Variants in GPR158 observed in about 807,000 individuals in gnomAD.
GPR158 encodes the protein metabotropic glycine receptor.
In GPR158, 30 loss-of-function variants were observed where a neutral mutation model predicts 78.2. The ratio of observed to expected loss-of-function variants is 0.38; its 90% CI spans 0.29 to 0.52. The LOEUF (loss-of-function observed/expected upper bound fraction) is 0.52. GPR158 is among the 20% of genes least tolerant of loss of function. The pLI, the probability that GPR158 is intolerant of heterozygous loss-of-function variation, is 0.83. For missense variants in GPR158, 1,463 were observed against 1,523.5 expected, an observed-to-expected ratio of 0.96 and a Z score of 0.66; for synonymous variants, 581 against 591.1, an observed-to-expected ratio of 0.98 and a Z score of 0.25.
intron 2 of GPR158, among the ~76,000 whole-genome samples, chr10:25,341,899 C>T (rs971406503): frequency 6.6e-6 from 1 of 151,820 alleles, no homozygotes; most frequent in African/African-American, 2.4e-5. Context: ...GAAGGACTCA[C>T]TTTCTGGTCC....
chr10:25,452,225 T>C (rs1365025072), intron 4 of GPR158, among the ~76,000 whole-genome samples: 1 of 151,418 alleles, frequency 6.6e-6, no homozygotes, highest in Non-Finnish European at 1.5e-5. Context: ...TATATATATA[T>C]GGTAGCAATG....
At chr10:25,258,111 T>C (rs1315541861) in intron 2 of GPR158, among the ~76,000 whole-genome samples, 1 of 152,082 alleles carries the variant, frequency 6.6e-6, no homozygotes, top group Non-Finnish European at 1.5e-5. Context: ...ATAACTTCAC[T>C]TTGTGCCCAG....
intron 3 of GPR158, among the ~76,000 whole-genome samples, chr10:25,405,874 G>C (rs1479675016): frequency 1.3e-5 from 2 of 152,016 alleles, no homozygotes; most frequent in African/African-American, 4.8e-5. Flanking sequence ...ATCATGATTA[G>C]AGTTATCTTA....
intron 2 of GPR158, among the ~76,000 whole-genome samples, chr10:25,331,140 A>T (rs564127707): frequency 6.6e-6 from 1 of 152,034 alleles, no homozygotes; most frequent in African/African-American, 2.4e-5. Context: ...GAGTCTCACT[A>T]TGTTGCCCAG....
intron 1 of GPR158, among the ~76,000 whole-genome samples, chr10:25,195,689 C>A (rs1297161430): frequency 6.6e-6 from 1 of 152,092 alleles, no homozygotes; most frequent in African/African-American, 2.4e-5. Flanking sequence ...TGGATGCAAG[C>A]CTTCTTATTT....
chr10:25,350,011 A>G (rs769311037), intron 2 of GPR158, among the ~76,000 whole-genome samples: 1 of 152,016 alleles, frequency 6.6e-6, no homozygotes, highest in Non-Finnish European at 1.5e-5. Flanking sequence ...TTCTTCTTGT[A>G]AAGATGACCT....
chr10:25,373,553 A>G (rs1298851669), intron 2 of GPR158, among the ~76,000 whole-genome samples: 2 of 151,772 alleles, frequency 1.3e-5, no homozygotes, highest in African/African-American at 2.4e-5. Context: ...GTAGTATATG[A>G]ATTTAGGGCG....
chr10:25,381,998 G>A (rs1223190276), intron 2 of GPR158, among the ~76,000 whole-genome samples: 4 of 152,122 alleles, frequency 2.6e-5, no homozygotes, highest in Admixed American at 6.5e-5. Flanking sequence ...AACAGGGTTC[G>A]GTAAGCAAGA....
At chr10:25,262,075 C>T (rs978099029) in intron 2 of GPR158, among the ~76,000 whole-genome samples, 1 of 152,020 alleles carries the variant, frequency 6.6e-6, no homozygotes, top group Non-Finnish European at 1.5e-5. Flanking sequence ...GGTTTGGGAC[C>T]AAGTAGAATA....
At chr10:25,316,464 T>A (rs937403897) in intron 2 of GPR158, among the ~76,000 whole-genome samples, 2 of 152,230 alleles carry the variant, frequency 1.3e-5, no homozygotes, top group Admixed American at 1.3e-4. Flanking sequence ...GATAGTGTTT[T>A]TGTTTGTTTG....
intron 1 of GPR158, among the ~76,000 whole-genome samples, chr10:25,208,614 T>C (rs1045652624): frequency 1.2e-4 from 18 of 146,454 alleles, no homozygotes; most frequent in Non-Finnish European, 2.4e-4. Flanking sequence ...GTATTAGAAT[T>C]GAGAAGTAAA....
intron 7 of GPR158, among the ~76,000 whole-genome samples, chr10:25,573,218 A>G (rs370448639): frequency 5.9e-5 from 9 of 152,178 alleles, no homozygotes; most frequent in Admixed American, 4.6e-4. Context: ...AATATTGGCT[A>G]TTCTCTTGAT....
At chr10:25,505,990 A>G (rs1220794702) in intron 5 of GPR158, among the ~76,000 whole-genome samples, 3 of 152,028 alleles carry the variant, frequency 2.0e-5, no homozygotes, top group Non-Finnish European at 4.4e-5. Context: ...CTCCATAGCA[A>G]ATGCAGGTCT....
At chr10:25,539,891 C>A (rs530275366) in intron 5 of GPR158, among the ~76,000 whole-genome samples, 1 of 152,202 alleles carries the variant, frequency 6.6e-6, no homozygotes, top group East Asian at 1.9e-4. Flanking sequence ...GCATTTTTAT[C>A]ACTAAATAAG....
At chr10:25,250,920 G>T in intron 2 of GPR158, among the ~76,000 whole-genome samples, 1 of 151,464 alleles carries the variant, frequency 6.6e-6, no homozygotes, top group Non-Finnish European at 1.5e-5. Context: ...GGGTGTTAAA[G>T]TCTCCCATTA....
chr10:25,208,578 G>GTGTGTC (rs1195785282), intron 1 of GPR158, among the ~76,000 whole-genome samples: 1 of 151,320 alleles, frequency 6.6e-6, no homozygotes, highest in African/African-American at 2.4e-5. Flanking sequence ...GTGTGTGTGT[G>GTGTGTC]TGTGTGTGTG....
At chr10:25,491,938 G>C (rs1352317348) in intron 5 of GPR158, among the ~76,000 whole-genome samples, 1 of 152,100 alleles carries the variant, frequency 6.6e-6, no homozygotes, top group Admixed American at 6.6e-5. Flanking sequence ...TGGTCTGTTT[G>C]TGTTGCCATA....
chr10:25,259,870 C>CTT (rs542097655), intron 2 of GPR158, among the ~76,000 whole-genome samples: 2 of 151,196 alleles, frequency 1.3e-5, no homozygotes, highest in African/African-American at 4.9e-5. Flanking sequence ...TTAAAAATTG[C>CTT]TTTTTTTTGA....
Position 25,522,876 on chromosome 10 carries a change from A to C in GPR158, c.1405-28100A>C, listed in dbSNP as rs146283364. On this transcript the variant is annotated intron_variant, in intron 5 of 10. Transcript: ENST00000376351. ...CCATAGTGATTGTAACAAAATTTAT[A>C]CACGTATTAATTTGTGTGGTGTGCA... Among the ~76,000 whole-genome samples the C allele has an allele frequency of 9.0e-4, 137 of 152,256 alleles. 1 individual carries two copies. The Middle Eastern group carries it at 0.024, about 26-fold the overall frequency.
Sources: allele counts gnomAD v4.1 joint callset (sites outside exome capture counted in the v4.1 genomes callset), GRCh38; gene constraint gnomAD v4.1.1; transcripts MANE v1.5; gene names NCBI Gene and HGNC (gene_info 2026-07-23, HGNC 2026-07-21).